Variants in SYNPO2 observed in about 807,000 individuals in gnomAD.
The protein encoded by SYNPO2 is synaptopodin-2.
Under a neutral mutation model 85.0 loss-of-function variants are expected in SYNPO2, and 56 were observed. The ratio of observed to expected loss-of-function variants is 0.66; its 90% confidence interval spans 0.53 to 0.82. SYNPO2 has a LOEUF of 0.82. Ranked by LOEUF, SYNPO2 falls within the 40% of genes least tolerant of loss-of-function variation. The probability of loss-of-function intolerance (pLI) is 0.00; values close to 1 mark genes in which losing one functional copy is unlikely to be tolerated. For missense variants in SYNPO2, 1,575 were observed against 1,534.2 expected (o/e 1.03, Z -0.44); for synonymous variants, 602 against 591.1 (o/e 1.02, Z -0.27).
chr4:118,900,812 C>T (rs745836543), intron 1 of SYNPO2, among the ~76,000 whole-genome samples: 85 of 147,120 alleles, frequency 5.8e-4, no homozygotes, highest in Non-Finnish European at 9.5e-4. Flanking sequence ...CCTGCTAAAG[C>T]CAAGTACTTT....
chr4:119,004,923 C>T (rs1354813450), intron 1 of SYNPO2, among the ~76,000 whole-genome samples: 3 of 151,946 alleles, frequency 2.0e-5, no homozygotes, highest in Non-Finnish European at 2.9e-5. Context: ...ACCATTCTAA[C>T]TGGTGTGAGA....
intron 1 of SYNPO2, among the ~76,000 whole-genome samples, chr4:118,955,732 A>G (rs953789810): frequency 7.9e-6 from 1 of 126,104 alleles, no homozygotes; most frequent in Non-Finnish European, 1.8e-5. Flanking sequence ...AGATGTTACA[A>G]TGATGTGACT....
At chr4:119,019,595 G>A (rs1326352927) in intron 1 of SYNPO2, among the ~76,000 whole-genome samples, 1 of 152,036 alleles carries the variant, frequency 6.6e-6, no homozygotes, top group African/African-American at 2.4e-5. Flanking sequence ...GAATTCACCA[G>A]TCCCTTCTTG....
intron 1 of SYNPO2, among the ~76,000 whole-genome samples, chr4:118,927,426 T>C (rs1733746225): frequency 6.6e-6 from 1 of 152,094 alleles, no homozygotes; most frequent in African/African-American, 2.4e-5. Context: ...ATGAGGAAAC[T>C]GAGGCCTAGA....
intron 4 of SYNPO2, among the ~76,000 whole-genome samples, chr4:119,048,812 G>T (rs1321837854): frequency 6.6e-6 from 1 of 152,200 alleles, no homozygotes; most frequent in Admixed American, 6.5e-5. Flanking sequence ...ATAATGCAAG[G>T]AGCTAGTTGG....
chr4:119,046,931 A>T (rs1213378565), intron 4 of SYNPO2, among the ~76,000 whole-genome samples: 2 of 152,256 alleles, frequency 1.3e-5, no homozygotes, highest in African/African-American at 4.8e-5. Flanking sequence ...TGGAAGAGAA[A>T]ATTTAATCTA....
chr4:118,946,407 T>G (rs1308437544), intron 1 of SYNPO2, among the ~76,000 whole-genome samples: 1 of 152,196 alleles, frequency 6.6e-6, no homozygotes, highest in Non-Finnish European at 1.5e-5. Flanking sequence ...CATACTATTT[T>G]GAAAACAGCT....
intron 1 of SYNPO2, among the ~76,000 whole-genome samples, chr4:119,022,762 ATATTT>A (rs201911177): frequency 2.7e-4 from 30 of 109,782 alleles, no homozygotes; most frequent in African/African-American, 8.1e-4. Context: ...ATTTTATTTT[ATATTT>A]TATTTTATTT....
intron 1 of SYNPO2, among the ~76,000 whole-genome samples, chr4:118,956,689 G>A (rs114098402): frequency 0.011 from 1,663 of 152,224 alleles, 27 homozygotes; most frequent in African/African-American, 0.037. Flanking sequence ...CTGAACTGTA[G>A]AGCTTGGGTG....
chr4:118,898,470 G>A (rs1732618893), intron 1 of SYNPO2, among the ~76,000 whole-genome samples: 1 of 152,030 alleles, frequency 6.6e-6, no homozygotes, highest in Admixed American at 6.6e-5. Context: ...ATACTTCAAA[G>A]GCTCCCCATC....
chr4:118,861,814 TG>T, intron 1 of SYNPO2, among the ~76,000 whole-genome samples: 1 of 152,320 alleles, frequency 6.6e-6, no homozygotes, highest in African/African-American at 2.4e-5. Flanking sequence ...AGGATAGCTT[TG>T]GCTATTCTGG....
At chr4:118,995,352 A>G (rs1303051585) in intron 1 of SYNPO2, among the ~76,000 whole-genome samples, 1 of 152,196 alleles carries the variant, frequency 6.6e-6, no homozygotes, top group Non-Finnish European at 1.5e-5. Flanking sequence ...CAAGCCCAAT[A>G]TATGTGATGA....
intron 1 of SYNPO2, among the ~76,000 whole-genome samples, chr4:118,948,353 A>C (rs546666406): frequency 6.6e-6 from 1 of 152,224 alleles, no homozygotes; most frequent in Non-Finnish European, 1.5e-5. Flanking sequence ...CTGAGTCTAC[A>C]TGGGGAATCC....
upstream of SYNPO2, chr4:118,850,683 T>G (rs1731405409): frequency 2.5e-6 from 1 of 398,578 alleles, no homozygotes; most frequent in South Asian, 1.3e-4. Context: ...TTTGTTTCAC[T>G]TTCAATTTGT....
chr4:118,879,444 T>G (rs1732024251), intron 1 of SYNPO2, among the ~76,000 whole-genome samples: 1 of 152,072 alleles, frequency 6.6e-6, no homozygotes, highest in African/African-American at 2.4e-5. Context: ...ATAGAGCCCT[T>G]GTGAATGGAT....
chr4:118,940,167 G>A (rs1734258572), intron 1 of SYNPO2, among the ~76,000 whole-genome samples: 1 of 151,854 alleles, frequency 6.6e-6, no homozygotes, highest in Admixed American at 6.6e-5. Flanking sequence ...TGTATTTTTA[G>A]TAGAGACGGG....
At chr4:119,015,525 A>T in intron 1 of SYNPO2, among the ~76,000 whole-genome samples, 1 of 152,218 alleles carries the variant, frequency 6.6e-6, no homozygotes, top group Non-Finnish European at 1.5e-5. Flanking sequence ...AGTTTCAGAA[A>T]AAAAAGCAAT....
chr4:119,049,714 T>C (rs975534863), intron 4 of SYNPO2, among the ~76,000 whole-genome samples: 1 of 152,234 alleles, frequency 6.6e-6, no homozygotes, highest in African/African-American at 2.4e-5. Flanking sequence ...AACTAAGCTG[T>C]TTTATTAACA....
chr4:118,876,679 TTCTTTCTTTCTTTC>T (rs1731923015), intron 1 of SYNPO2, among the ~76,000 whole-genome samples: 1 of 21,070 alleles, frequency 4.7e-5, no homozygotes, highest in African/African-American at 2.0e-4. Flanking sequence ...CTTTCTTTCT[TTCTTTCTTTCTTTC>T]TTTCTTTCTT....
Sources: allele counts gnomAD v4.1 joint callset (sites outside exome capture counted in the v4.1 genomes callset), GRCh38; gene constraint gnomAD v4.1.1; transcripts MANE v1.5; gene names NCBI Gene and HGNC (gene_info 2026-07-23, HGNC 2026-07-21).